GNG5: variants seen among roughly 807,000 people sequenced by gnomAD.
GNG5 encodes guanine nucleotide-binding protein G(I)/G(S)/G(O) subunit gamma-5.
In GNG5, 2 loss-of-function variants were observed where a neutral mutation model predicts 6.2. The ratio of observed to expected loss-of-function variants is 0.32; its 90% CI spans 0.13 to 1.01. GNG5 has a LOEUF of 1.01. Ranked by LOEUF, GNG5 falls within the 50% of genes least tolerant of loss-of-function variation. The probability of loss-of-function intolerance (pLI) is 0.48; values close to 1 mark genes in which losing one functional copy is unlikely to be tolerated. For missense variants in GNG5, 57 were observed against 80.2 expected, an observed-to-expected ratio of 0.71 and a Z score of 1.10; for synonymous variants, 24 against 33.0, an observed-to-expected ratio of 0.73 and a Z score of 0.93.
At chr1:84,505,701 C>A (rs961547259) in intron 2 of GNG5, among the ~76,000 whole-genome samples, 3 of 152,190 alleles carry the variant, frequency 2.0e-5, no homozygotes, top group Non-Finnish European at 4.4e-5. Context: ...TGAGACCAGC[C>A]GAGAAGGCTG....
chr1:84,499,083 TAA>T (rs1416682567), intron 3 of GNG5, among the ~76,000 whole-genome samples: 1 of 152,194 alleles, frequency 6.6e-6, no homozygotes, highest in Admixed American at 6.5e-5. Context: ...CCTTAAAAAA[TAA>T]GTTATGTTTT....
At chr1:84,500,957 T>G (rs1235247632) in intron 3 of GNG5, among the ~76,000 whole-genome samples, 1 of 152,198 alleles carries the variant, frequency 6.6e-6, no homozygotes, top group African/African-American at 2.4e-5. Flanking sequence ...AGGTCAATAC[T>G]AATGAGTACA....
At chr1:84,505,201 TG>T (rs1682151475) in intron 2 of GNG5, among the ~76,000 whole-genome samples, 1 of 152,028 alleles carries the variant, frequency 6.6e-6, no homozygotes, top group Non-Finnish European at 1.5e-5. Context: ...AGCACTTGAA[TG>T]TCAAGTTATT....
At chr1:84,505,310 A>G (rs1450271594) in intron 2 of GNG5, among the ~76,000 whole-genome samples, 1 of 152,186 alleles carries the variant, frequency 6.6e-6, no homozygotes, top group Non-Finnish European at 1.5e-5. Context: ...ACCCACAATA[A>G]TCATTTTCTC....
Position 84,503,331 on chromosome 1 carries a change from C to T in GNG5, c.82-1361G>A, listed in dbSNP as rs113848232. 2.0e-4 allele frequency among the ~76,000 whole-genome samples: 30 copies of T among 152,340 alleles called. 1 individual carries two copies. Among genetic ancestry groups the T allele is most frequent in the African/African-American group, 6.7e-4 (28 of 41,576 alleles). ...CAGGGAATTAATAGCATCACAAATG[C>T]TCTCTATACCAAGAACCCCTGCAGA... is the stretch of plus-strand genomic sequence containing the variant. On this transcript the variant is annotated intron_variant, in intron 2 of 3. Transcript: ENST00000370645.
At chr1:84,499,978 C>T (rs1682023054) in intron 3 of GNG5, among the ~76,000 whole-genome samples, 1 of 152,064 alleles carries the variant, frequency 6.6e-6, no homozygotes, top group Non-Finnish European at 1.5e-5. Context: ...ACCTGTAATC[C>T]CAGCTACTCA....
intron 3 of GNG5, among the ~76,000 whole-genome samples, chr1:84,500,774 TC>T (rs1682042596): frequency 6.6e-6 from 1 of 152,160 alleles, no homozygotes; most frequent in South Asian, 2.1e-4. Flanking sequence ...TATACAGACT[TC>T]CTGGACACTC....
In GNG5 at chr1:84,498,555, T is replaced by A. The variant is rs1681986551; in HGVS notation, c.*20-7A>T. 4 of 122,196 alleles carry A rather than the reference T, an allele frequency of 3.3e-5. No individual in the cohort carries two copies. Among genetic ancestry groups the A allele is most frequent in the South Asian group, 2.7e-4 (1 of 3,756 alleles). The allele number at this position is 122,196 out of a possible 1,614,324, so 7.6% of individuals were successfully genotyped here. A position where few individuals can be genotyped will look rare whatever the true frequency, so the allele number is the denominator to read the frequency against. On this transcript the variant is annotated splice_polypyrimidine_tract_variant and splice_region_variant and intron_variant, in intron 3 of 3. Transcript: ENST00000370645. ...AAGGAGTGGTTTGGGAAACCTAAGATGGGGAAAAAAAAAAAAAGGTGAGTT... is the reference window on the plus strand; with the variant it reads ...AAGGAGTGGTTTGGGAAACCTAAGAAGGGGAAAAAAAAAAAAAGGTGAGTT...
chr1:84,501,273 C>T (rs1309233271), intron 3 of GNG5, among the ~76,000 whole-genome samples: 2 of 152,134 alleles, frequency 1.3e-5, no homozygotes, highest in Non-Finnish European at 2.9e-5. Context: ...TGTTCTACCT[C>T]AGTCCAAACG....
In GNG5 at chr1:84,506,109, G is replaced by C. The variant is rs771939425; in HGVS notation, c.-18C>G. On this transcript the variant is annotated 5_prime_UTR_variant, in exon 2 of 4. Transcript: ENST00000370645. ...CCAGACATGGTGCACGCGACGGCCG[G>C]GCCGATTCGTGGGTCGGTGGGTCGT... 2 of 1,569,612 alleles carry C rather than the reference G, an allele frequency of 1.3e-6. No homozygotes were observed. Among genetic ancestry groups the C allele is most frequent in the Admixed American group, 3.6e-5 (2 of 54,798 alleles).
Position 84,504,410 on chromosome 1 carries a change from G to A in GNG5, c.81+1601C>T, listed in dbSNP as rs7524195. Among the ~76,000 whole-genome samples the A allele has an allele frequency of 8.5e-3, 1,290 of 152,308 alleles. 16 individuals carry two copies. Among genetic ancestry groups the A allele is most frequent in the African/African-American group, 0.03 (1,230 of 41,564 alleles). Reference sequence around the variant, plus strand: ...AGAAGTCTACTGAAGATTTAGGTAGGATCAGTTTTGGGGAATTAGGGGAGC... The same window carrying A: ...AGAAGTCTACTGAAGATTTAGGTAGAATCAGTTTTGGGGAATTAGGGGAGC... On this transcript the variant is annotated intron_variant, in intron 2 of 3. Coordinates refer to ENST00000370645, the MANE Select transcript of GNG5 (RefSeq NM_005274.3).
rs568204317 is a variant in GNG5 at position 84,502,066 on chromosome 1, A to G, written c.82-96T>C. 7.2e-6 allele frequency: 6 copies of G among 838,942 alleles called. No individual in the cohort carries two copies. The South Asian group carries it at 1.0e-4, about 14-fold the overall frequency. The allele number at this position is 838,942 out of a possible 1,614,324, so 52.0% of individuals were successfully genotyped here. A position where few individuals can be genotyped will look rare whatever the true frequency, so the allele number is the denominator to read the frequency against. ...GGAAATATTGTACTTACAATAAAAC[A>G]GTACTTCTCTTGCTTCAAAAGAAGA... On this transcript the variant is annotated intron_variant, in intron 2 of 3. Coordinates refer to ENST00000370645, the MANE Select transcript of GNG5 (RefSeq NM_005274.3).
At chr1:84,503,640 G>C (rs1282020110) in intron 2 of GNG5, 3 of 152,172 alleles carry the variant, frequency 2.0e-5, no homozygotes, top group Admixed American at 2.0e-4. Flanking sequence ...GAAGCATAAA[G>C]AGTACCTGTT....
At chr1:84,505,913 G>A (rs113806150) in intron 2 of GNG5, 98 bp downstream of exon 2, 1 of 848,466 alleles carries the variant, frequency 1.2e-6, no homozygotes, top group Non-Finnish European at 1.6e-6. Context: ...GGGGAAGCGA[G>A]GGCCGGCGCG....
intron 3 of GNG5, among the ~76,000 whole-genome samples, chr1:84,500,843 A>G (rs1682043745): frequency 1.3e-5 from 2 of 152,202 alleles, no homozygotes; most frequent in Non-Finnish European, 2.9e-5. Context: ...TATTTTAGGA[A>G]GCAGCTTCCT....
Position 84,501,989 on chromosome 1 carries a change from G to T in GNG5, c.82-19C>A, listed in dbSNP as rs776848479. 7 of 1,600,558 alleles carry T rather than the reference G, an allele frequency of 4.4e-6. No homozygotes were observed. Among genetic ancestry groups the T allele is most frequent in the South Asian group, 2.2e-5 (2 of 90,120 alleles). On this transcript the variant is annotated intron_variant, in intron 2 of 3. Transcript: ENST00000370645. Reference sequence around the variant, plus strand: ...GGGAAACCTATACATAACAAAGAGGGGGGGAAGTGCCAGATGGTGAGAACA... The same window carrying T: ...GGGAAACCTATACATAACAAAGAGGTGGGGAAGTGCCAGATGGTGAGAACA...
intron 2 of GNG5, 22 bp from the exon 3 acceptor site, chr1:84,501,992 G>A (rs1158581563): frequency 7.5e-6 from 12 of 1,597,354 alleles, no homozygotes; most frequent in South Asian, 1.1e-5. Context: ...AAAGAGGGGG[G>A]GAAGTGCCAG....
Position 84,498,443 on chromosome 1 carries a change from A to C in GNG5, c.*125T>G, listed in dbSNP as rs535745817. ...AGATGTTAAGGACTGACGAAAGTAG[A>C]AGTTTGTATATTATGGCACATGTGT... is the stretch of plus-strand genomic sequence containing the variant. On this transcript the variant is annotated 3_prime_UTR_variant, in exon 4 of 4. Coordinates refer to ENST00000370645, the MANE Select transcript of GNG5 (RefSeq NM_005274.3). The C allele has an allele frequency of 3.3e-5, 5 of 152,878 alleles. No individual in the cohort carries two copies. Among genetic ancestry groups the C allele is most frequent in the African/African-American group, 9.6e-5 (4 of 41,540 alleles). 9.5% of individuals were successfully genotyped at this position (152,878 alleles called of 1,614,324 possible).
At chr1:84,503,700 A>G (rs1682101468) in intron 2 of GNG5, 1 of 152,178 alleles carries the variant, frequency 6.6e-6, no homozygotes, top group African/African-American at 2.4e-5. Flanking sequence ...CGCTTTCACA[A>G]TTTTCAAGCA....
Sources: allele counts gnomAD v4.1 joint callset (sites outside exome capture counted in the v4.1 genomes callset), GRCh38; gene constraint gnomAD v4.1.1; transcripts MANE v1.5; gene names NCBI Gene and HGNC (gene_info 2026-07-23, HGNC 2026-07-21).